The following PON2 variants were observed in gnomAD, a reference collection of about 807,000 sequenced individuals.
PON2 encodes the protein paraoxonase 2, also known as serum paraoxonase/arylesterase 2.
PON2 carries 27 observed loss-of-function variants against 36.6 expected under a neutral mutation model. The observed-to-expected ratio is 0.74, with a 90% confidence interval of 0.54 to 1.02. The LOEUF is 1.02. Among genes scored for constraint, PON2 ranks in the 50% least tolerant of loss-of-function variants. PON2 has a pLI of 0.00. For synonymous variants in PON2, 149 were observed against 156.3 expected (o/e 0.95, Z 0.35); for missense variants, 363 against 421.1 (o/e 0.86, Z 1.21).
intron 6 of PON2, among the ~76,000 whole-genome samples, chr7:95,408,545 G>A (rs921496527): frequency 6.6e-6 from 1 of 152,164 alleles, no homozygotes; most frequent in Non-Finnish European, 1.5e-5. Flanking sequence ...AAATATAAGA[G>A]TGAAAAACAG....
intron 5 of PON2, among the ~76,000 whole-genome samples, chr7:95,411,020 AATATTC>A (rs1337632340): frequency 2.6e-5 from 4 of 152,166 alleles, no homozygotes; most frequent in Non-Finnish European, 4.4e-5. Context: ...AGAAATTAAA[AATATTC>A]ATCAAGTTTA....
chr7:95,406,404 C>T (rs1179868884), intron 7 of PON2, 157 bp from the exon 8 acceptor site: 1 of 801,928 alleles, frequency 1.2e-6, no homozygotes, highest in Non-Finnish European at 2.0e-6. Context: ...GTATTAAAAA[C>T]TGGTTTGGAG....
intron 8 of PON2, 27 bp from the exon 9 acceptor site, chr7:95,405,515 A>G: frequency 1.9e-6 from 3 of 1,597,278 alleles, no homozygotes; most frequent in Non-Finnish European, 2.6e-6. Context: ...AAGTATGAAT[A>G]TAAGACCACC....
At position 95,411,691 on chromosome 7, in the gene PON2, CAG is replaced by C; in HGVS notation, c.454_455del (p.Leu152ValfsTer9). On this transcript the variant is annotated frameshift_variant, in exon 5 of 9. Transcript: ENST00000222572. LOFTEE classifies it high-confidence loss of function. ...CATGTTTGACTGTTTTCAGATGCAA[CAG>C]AGAATTTTCTGCTTCTTCAAATTTA... ...IFKFEEAENS[L>X]LHLKTVKHEL... The C allele has an allele frequency of 6.2e-7, 1 of 1,613,938 alleles. No homozygotes were observed. The highest frequency in any genetic ancestry group is 1.1e-5 in the South Asian group (1 of 91,062).
intron 1 of PON2, among the ~76,000 whole-genome samples, chr7:95,434,647 G>T (rs1310211045): frequency 6.6e-6 from 1 of 152,210 alleles, no homozygotes; most frequent in Non-Finnish European, 1.5e-5. Flanking sequence ...AAACTTTCAA[G>T]AAAGTGTCGC....
At chr7:95,408,032 G>T (rs1809750831) in intron 6 of PON2, among the ~76,000 whole-genome samples, 1 of 152,154 alleles carries the variant, frequency 6.6e-6, no homozygotes, top group Non-Finnish European at 1.5e-5. Context: ...GAGGTTGGAG[G>T]TGGCCTGTTA....
intron 1 of PON2, 54 bp from the exon 2 acceptor site, chr7:95,424,639 CT>C: frequency 7.0e-7 from 1 of 1,432,554 alleles, no homozygotes; most frequent in Non-Finnish European, 9.8e-7. Context: ...TATGTATTCC[CT>C]GCTTTGTTTT....
Position 95,410,118 on chromosome 7 carries a change from G to C in PON2, c.495-17C>G. 1 of 1,602,352 alleles carries C rather than the reference G, an allele frequency of 6.2e-7. No individual in the cohort carries two copies. The highest frequency in any genetic ancestry group is 8.5e-7 in the Non-Finnish European group (1 of 1,170,148). ...TCATTCACACTGAAAAAGAAAAATA[G>C]CATGTGAGAGGAAACAAAAGGCCTG... On this transcript the variant is annotated splice_polypyrimidine_tract_variant and intron_variant, in intron 5 of 8. Coordinates refer to ENST00000222572, the MANE Select transcript of PON2 (RefSeq NM_000305.3).
intron 6 of PON2, among the ~76,000 whole-genome samples, chr7:95,408,041 TAAAC>T (rs1472081557): frequency 1.3e-5 from 2 of 152,200 alleles, no homozygotes. Flanking sequence ...GGTGGCCTGT[TAAAC>T]AAAGTCCAAC....
At chr7:95,407,210 T>C (rs2116450969) in intron 6 of PON2, 142 bp from the exon 7 acceptor site, 1 of 557,356 alleles carries the variant, frequency 1.8e-6, no homozygotes, top group Non-Finnish European at 3.2e-6. Context: ...AGGTCAATTT[T>C]TATTTAAAAA....
chr7:95,428,740 TA>T (rs1429185150), intron 1 of PON2, among the ~76,000 whole-genome samples: 2 of 152,220 alleles, frequency 1.3e-5, no homozygotes, highest in African/African-American at 2.4e-5. Flanking sequence ...TTTACTCATT[TA>T]AAAACATGAT....
chr7:95,410,791 T>G (rs893927010), intron 5 of PON2, among the ~76,000 whole-genome samples: 9 of 152,214 alleles, frequency 5.9e-5, no homozygotes. Context: ...AGAGCTGCTT[T>G]ATTCTTTGCT....
rs552371260 is a variant in PON2 at position 95,434,990 on chromosome 7, C to T, written c.-39G>A. The T allele has an allele frequency of 3.3e-6, 5 of 1,500,722 alleles. No homozygotes were observed. The African/African-American group carries it at 7.3e-5, about 22-fold the overall frequency. 93.0% of individuals were successfully genotyped at this position (1,500,722 alleles called of 1,614,324 possible). A position where few individuals can be genotyped will look rare whatever the true frequency, so the allele number is the denominator to read the frequency against. ...GGCGCGCTGCCTCGCTCCGGCCTGGCCAGCAGCTCCGTGGGCGGTGCCATC... is the reference window on the plus strand; with the variant it reads ...GGCGCGCTGCCTCGCTCCGGCCTGGTCAGCAGCTCCGTGGGCGGTGCCATC... On this transcript the variant is annotated 5_prime_UTR_variant, in exon 1 of 9. Coordinates refer to ENST00000222572, the MANE Select transcript of PON2 (RefSeq NM_000305.3).
Position 95,405,359 on chromosome 7 carries a change from A to G in PON2, c.1036T>C (p.Tyr346His). Residue 346 changes from tyrosine to histidine, a missense_variant, in exon 9 of 9, where the codon TAC becomes CAC. By Grantham distance (83) the Tyr-to-His change is moderately conservative. Transcript: ENST00000222572. ...YDGKLLIGTL[Y>H]HRALYCEL ...AGTTCACAATACAAGGCTCTGTGGT[A>G]TAAAGTGCCTATGAGCAGCTTCCCA... 6.2e-7 allele frequency: 1 copy of G among 1,613,958 alleles called. No individual in the cohort carries two copies.
chr7:95,410,646 A>G (rs77290912), intron 5 of PON2, among the ~76,000 whole-genome samples: 1 of 152,344 alleles, frequency 6.6e-6, no homozygotes, highest in East Asian at 1.9e-4. Context: ...TTGCAGAGAG[A>G]TGGATGATAA....
At chr7:95,412,643 G>A in intron 3 of PON2, 166 bp from the exon 4 acceptor site, 1 of 681,626 alleles carries the variant, frequency 1.5e-6, no homozygotes, top group Non-Finnish European at 2.5e-6. Context: ...TAATAACGGG[G>A]AGGTGGAATA....
intron 2 of PON2, among the ~76,000 whole-genome samples, chr7:95,422,043 G>A (rs1384105466): frequency 6.6e-6 from 1 of 152,144 alleles, no homozygotes; most frequent in East Asian, 1.9e-4. Flanking sequence ...CCATTGTTAA[G>A]GACATATTCT....
intron 8 of PON2, 134 bp downstream of exon 8, chr7:95,405,985 T>A: frequency 9.5e-7 from 1 of 1,053,938 alleles, no homozygotes; most frequent in Non-Finnish European, 1.4e-6. Flanking sequence ...TTAACGCAAT[T>A]ACAAAACCAC....
intron 2 of PON2, among the ~76,000 whole-genome samples, chr7:95,421,692 G>C (rs1439796872): frequency 6.6e-6 from 1 of 152,158 alleles, no homozygotes; most frequent in African/African-American, 2.4e-5. Flanking sequence ...CCAGTCTAGG[G>C]GAGGGGAGGT....
Sources: allele counts gnomAD v4.1 joint callset (sites outside exome capture counted in the v4.1 genomes callset), GRCh38; gene constraint gnomAD v4.1.1; transcripts MANE v1.5; gene names NCBI Gene and HGNC (gene_info 2026-07-23, HGNC 2026-07-21).